Variants in TCTN3 observed in about 807,000 individuals in gnomAD.
TCTN3 encodes the protein tectonic-3.
In TCTN3, 57 loss-of-function variants were observed where a neutral mutation model predicts 71.3. That is an observed-to-expected ratio of 0.80 (90% CI 0.65 to 1.00). The LOEUF is 1.00. Ranked by LOEUF, TCTN3 falls within the 50% of genes least tolerant of loss-of-function variation. TCTN3 has a pLI of 0.00. For missense variants in TCTN3, 696 were observed against 719.9 expected, an observed-to-expected ratio of 0.97 and a Z score of 0.38; for synonymous variants, 258 against 267.8, an observed-to-expected ratio of 0.96 and a Z score of 0.36.
chr10:95,667,500 A>G (rs1381980257), intron 13 of TCTN3, among the ~76,000 whole-genome samples: 4 of 152,216 alleles, frequency 2.6e-5, no homozygotes, highest in Non-Finnish European at 5.9e-5. Context: ...TAACAGAGGA[A>G]GGGATGAGGG....
At chr10:95,693,280 C>G in intron 2 of TCTN3, 73 bp downstream of exon 2, 1 of 1,539,922 alleles carries the variant, frequency 6.5e-7, no homozygotes, top group Non-Finnish European at 8.8e-7. Context: ...AAGACTAACT[C>G]TTCTTACATC....
intron 12 of TCTN3, among the ~76,000 whole-genome samples, chr10:95,680,936 T>G (rs1220513666): frequency 6.8e-6 from 1 of 146,882 alleles, no homozygotes; most frequent in African/African-American, 2.5e-5. Flanking sequence ...CCACCACACC[T>G]AATTTTTATT....
chr10:95,672,346 A>G (rs1269022923), intron 13 of TCTN3, among the ~76,000 whole-genome samples: 1 of 152,182 alleles, frequency 6.6e-6, no homozygotes, highest in East Asian at 1.9e-4. Context: ...AGTGATTATG[A>G]ATAGGGCTGT....
In TCTN3 at chr10:95,685,497, C is replaced by T; in HGVS notation, c.969+59G>A. The T allele has an allele frequency of 1.5e-6, 2 of 1,357,674 alleles. 1 individual carries two copies. Among genetic ancestry groups the T allele is most frequent in the Middle Eastern group, 3.6e-4 (2 of 5,596 alleles). 84.1% of individuals were successfully genotyped at this position (1,357,674 alleles called of 1,614,324 possible). The stretch of plus-strand genomic sequence containing the variant: ...GTCTGATACTTAATGGAAGATGAGG[C>T]ACCTCTGGCAGTGTTGATTAACACA... On this transcript the variant is annotated intron_variant, in intron 8 of 13. Coordinates refer to ENST00000371217, the MANE Select transcript of TCTN3 (RefSeq NM_015631.6).
At chr10:95,680,035 T>C (rs1490292778) in intron 13 of TCTN3, among the ~76,000 whole-genome samples, 4 of 152,338 alleles carry the variant, frequency 2.6e-5, no homozygotes, top group Admixed American at 2.0e-4. Flanking sequence ...AGTGTTCATT[T>C]AATGGAGCAG....
chr10:95,682,700 G>C lies in TCTN3; in HGVS notation c.1403C>G (p.Ala468Gly). ...YVAIFGNADP[A>G]QKGGWTRILN... is the part of the protein sequence containing the mutation. ...GATCCTGGTCCACCCTCCTTTCTGG[G>C]CTGGGTCAGCATTACCAAAGATGGC... Residue 468 changes from alanine (A) to glycine (G), a missense_variant, in exon 12 of 14, where the codon GCC (alanine) becomes GGC (glycine). Physicochemically the swap from Ala to Gly is moderately conservative, Grantham distance 60. Coordinates refer to ENST00000371217, the MANE Select transcript of TCTN3 (RefSeq NM_015631.6). 1 of 1,614,070 alleles carries C rather than the reference G, an allele frequency of 6.2e-7. No homozygotes were observed. Among genetic ancestry groups the C allele is most frequent in the Non-Finnish European group, 8.5e-7 (1 of 1,180,000 alleles).
chr10:95,684,707 G>C lies in TCTN3; in HGVS notation c.970-83C>G. On this transcript the variant is annotated intron_variant, in intron 8 of 13. Coordinates refer to ENST00000371217, the MANE Select transcript of TCTN3 (RefSeq NM_015631.6). The stretch of plus-strand genomic sequence containing the variant: ...GACAGAAGATTTTCTGTCTTCAAGG[G>C]TGTTATTATAACTAAATGAGGCAGA... 2.0e-6 allele frequency: 3 copies of C among 1,491,576 alleles called. No homozygotes were observed. The South Asian group carries it at 3.8e-5, about 19-fold the overall frequency. The allele number at this position is 1,491,576 out of a possible 1,614,324, so 92.4% of individuals were successfully genotyped here.
intron 13 of TCTN3, among the ~76,000 whole-genome samples, chr10:95,667,929 C>T (rs192262835): frequency 1.5e-4 from 23 of 152,010 alleles, no homozygotes; most frequent in Admixed American, 8.5e-4. Flanking sequence ...GACAAACATG[C>T]GGAAAGTTTC....
intron 8 of TCTN3, 70 bp downstream of exon 8, chr10:95,685,486 G>A (rs1349449977): frequency 7.8e-7 from 1 of 1,279,374 alleles, no homozygotes; most frequent in African/African-American, 1.5e-5. Flanking sequence ...GATACTTAAT[G>A]GAAGATGAGG....
chr10:95,690,960 A>G (rs2097952954), intron 3 of TCTN3, among the ~76,000 whole-genome samples: 2 of 152,170 alleles, frequency 1.3e-5, no homozygotes, highest in Admixed American at 1.3e-4. Context: ...GATGTAATGA[A>G]CCATAACTAC....
intron 12 of TCTN3, among the ~76,000 whole-genome samples, 160 bp from the exon 13 acceptor site, chr10:95,680,769 A>G (rs1353325803): frequency 6.7e-6 from 1 of 148,832 alleles, no homozygotes; most frequent in Non-Finnish European, 1.5e-5. Flanking sequence ...CTATGTTATT[A>G]TTCCTGATCT....
At chr10:95,683,440 T>C in intron 10 of TCTN3, 82 bp downstream of exon 10, 1 of 1,610,134 alleles carries the variant, frequency 6.2e-7, no homozygotes, top group Non-Finnish European at 8.5e-7. Flanking sequence ...TCCTCACCTT[T>C]GGCTAGTCTA....
intron 12 of TCTN3, among the ~76,000 whole-genome samples, 195 bp from the exon 13 acceptor site, chr10:95,680,804 A>C (rs1440309439): frequency 6.7e-6 from 1 of 148,372 alleles, no homozygotes; most frequent in Non-Finnish European, 1.5e-5. Context: ...TTTGAGACGA[A>C]GTCTCGCACT....
chr10:95,673,504 T>C lies in TCTN3; in HGVS notation c.1590+6968A>G, dbSNP rs547657298. Among the ~76,000 whole-genome samples the C allele has an allele frequency of 3.3e-5, 5 of 152,230 alleles. No individual in the cohort carries two copies. In the East Asian group the frequency reaches 9.6e-4, roughly 29 times the overall value. The stretch of plus-strand genomic sequence containing the variant: ...TTGGTTACAGGGATGAGCTCTTTAA[T>C]AGTGAATTCTGAGATTTCAGCAGCA... On this transcript the variant is annotated intron_variant, in intron 13 of 13. Coordinates refer to ENST00000371217, the MANE Select transcript of TCTN3 (RefSeq NM_015631.6).
chr10:95,683,485 T>C (rs1015943931), intron 10 of TCTN3, 37 bp downstream of exon 10: 3 of 1,614,136 alleles, frequency 1.9e-6, no homozygotes, highest in African/African-American at 1.3e-5. Context: ...CTTTTCTCAT[T>C]AGGCTGCAAC....
chr10:95,677,486 T>TTG (rs1555269140), intron 13 of TCTN3, among the ~76,000 whole-genome samples: 41 of 133,766 alleles, frequency 3.1e-4, no homozygotes, highest in East Asian at 2.6e-3. Context: ...TTTTTTTGTT[T>TTG]TTTTTTTTTT....
chr10:95,679,939 A>G (rs1211099728), intron 13 of TCTN3, among the ~76,000 whole-genome samples: 1 of 152,214 alleles, frequency 6.6e-6, no homozygotes, highest in Admixed American at 6.5e-5. Flanking sequence ...TTCTATAGCT[A>G]AAGATTGGTT....
At chr10:95,676,694 T>C (rs2139720376) in intron 13 of TCTN3, among the ~76,000 whole-genome samples, 1 of 152,338 alleles carries the variant, frequency 6.6e-6, no homozygotes, top group South Asian at 2.1e-4. Flanking sequence ...AACATTGCTT[T>C]AATACCTGCT....
chr10:95,664,431 A>G (rs2097924118), intron 13 of TCTN3, 131 bp from the exon 14 acceptor site: 2 of 753,442 alleles, frequency 2.7e-6, no homozygotes, highest in Middle Eastern at 2.6e-4. Context: ...TTTATCTCAT[A>G]TTGGTCCTAT....
Sources: allele counts gnomAD v4.1 joint callset (sites outside exome capture counted in the v4.1 genomes callset), GRCh38; gene constraint gnomAD v4.1.1; transcripts MANE v1.5; gene names NCBI Gene and HGNC (gene_info 2026-07-23, HGNC 2026-07-21).